Variants in PTCHD4 observed in about 807,000 individuals in gnomAD.
PTCHD4 encodes patched domain containing 4.
A neutral mutation model predicts 58.1 loss-of-function variants in PTCHD4; 33 were observed. The observed-to-expected ratio is 0.57, with a 90% CI of 0.43 to 0.76. The LOEUF (loss-of-function observed/expected upper bound fraction) is 0.76. PTCHD4 is among the 30% of genes least tolerant of loss of function. The pLI is 0.00. For missense variants in PTCHD4, 1,058 were observed against 1,027.1 expected (o/e 1.03, Z -0.41); for synonymous variants, 478 against 409.6 (o/e 1.17, Z -2.02).
In PTCHD4 at chr6:47,864,204, T is replaced by C. The variant is rs1763498245; in HGVS notation, c.*14099A>G. On this transcript the variant is annotated 3_prime_UTR_variant, in exon 5 of 5. Transcript: ENST00000339488. ...TCTATTGAATCAGAACCTCTGGAGA[T>C]GGGGATATGCAGGCTGTGCTTTGAC... is the stretch of plus-strand genomic sequence containing the variant. 6.6e-6 allele frequency among the ~76,000 whole-genome samples: 1 copy of C among 151,852 alleles called. No individual in the cohort carries two copies. The highest frequency in any genetic ancestry group is 1.9e-4 in the East Asian group (1 of 5,148).
intron 4 of PTCHD4, among the ~76,000 whole-genome samples, chr6:47,965,052 C>A (rs1767233383): frequency 6.6e-6 from 1 of 152,032 alleles, no homozygotes. Context: ...TTGGAAAATA[C>A]CTGGCCTTTA....
chr6:48,081,480 T>C (rs1765165921), intron 1 of PTCHD4, among the ~76,000 whole-genome samples: 1 of 152,166 alleles, frequency 6.6e-6, no homozygotes, highest in Non-Finnish European at 1.5e-5. Flanking sequence ...AGCCTCCTCA[T>C]CTGTAAAGTG....
At chr6:48,027,410 A>C (rs1444269239) in intron 3 of PTCHD4, among the ~76,000 whole-genome samples, 7 of 152,104 alleles carry the variant, frequency 4.6e-5, no homozygotes, top group Non-Finnish European at 1.0e-4. Flanking sequence ...ACAAATTTTA[A>C]TTCTGTTTGG....
chr6:47,928,737 C>G (rs936424545), intron 4 of PTCHD4, among the ~76,000 whole-genome samples: 1 of 151,996 alleles, frequency 6.6e-6, no homozygotes, highest in African/African-American at 2.4e-5. Context: ...ACATTTTTGC[C>G]CACCCATTGT....
intron 3 of PTCHD4, among the ~76,000 whole-genome samples, chr6:48,009,905 A>G (rs1762606398): frequency 6.6e-6 from 1 of 152,208 alleles, no homozygotes; most frequent in Non-Finnish European, 1.5e-5. Context: ...AGAGTAGGCA[A>G]GATCATGAGA....
intron 4 of PTCHD4, among the ~76,000 whole-genome samples, chr6:47,950,934 A>G (rs1231138570): frequency 1.3e-5 from 2 of 152,180 alleles, no homozygotes; most frequent in Non-Finnish European, 2.9e-5. Context: ...CAATGTGTCA[A>G]TTGATGGAAT....
intron 4 of PTCHD4, among the ~76,000 whole-genome samples, chr6:47,916,906 G>C (rs964087067): frequency 6.6e-6 from 1 of 151,974 alleles, no homozygotes; most frequent in Non-Finnish European, 1.5e-5. Context: ...CATCTTCCTG[G>C]GGTGGTACTC....
chr6:48,020,887 C>A lies in PTCHD4; in HGVS notation c.418-11773G>T, dbSNP rs539941979. Among the ~76,000 whole-genome samples the A allele has an allele frequency of 2.0e-5, 3 of 152,012 alleles. No individual in the cohort carries two copies. In the South Asian group the frequency reaches 6.3e-4, roughly 32 times the overall value. ...TAGGATTATGGGTCAGTTCTGATTT[C>A]TTTGTTAGGTTATTTTATATTATCA... On this transcript the variant is annotated intron_variant, in intron 3 of 4. Coordinates refer to ENST00000339488, the MANE Select transcript of PTCHD4 (RefSeq NM_001384253.1).
intron 4 of PTCHD4, among the ~76,000 whole-genome samples, chr6:48,004,111 T>C (rs965599252): frequency 2.0e-5 from 3 of 152,232 alleles, no homozygotes; most frequent in African/African-American, 7.2e-5. Flanking sequence ...GGTGACAACT[T>C]GATCATTTCT....
intron 3 of PTCHD4, among the ~76,000 whole-genome samples, chr6:48,052,863 G>T (rs1228657230): frequency 6.6e-6 from 1 of 151,958 alleles, no homozygotes; most frequent in Admixed American, 6.6e-5. Flanking sequence ...TATGTATCAA[G>T]GGATTTATAA....
intron 3 of PTCHD4, among the ~76,000 whole-genome samples, chr6:48,019,407 A>T (rs1762977317): frequency 6.6e-6 from 1 of 152,160 alleles, no homozygotes; most frequent in South Asian, 2.1e-4. Flanking sequence ...GTGTGGGGTC[A>T]GGGAAAGATA....
intron 1 of PTCHD4, among the ~76,000 whole-genome samples, chr6:48,078,139 C>T (rs1175150945): frequency 6.6e-6 from 1 of 152,100 alleles, no homozygotes; most frequent in East Asian, 1.9e-4. Flanking sequence ...TAAATTTTCT[C>T]CAGCTGTGAT....
Position 47,872,375 on chromosome 6 carries a change from C to T in PTCHD4, c.*5928G>A, listed in dbSNP as rs1763739278. On this transcript the variant is annotated 3_prime_UTR_variant, in exon 5 of 5. Coordinates refer to ENST00000339488, the MANE Select transcript of PTCHD4 (RefSeq NM_001384253.1). ...GAGCCTTGTGGGCAATGTGCTTACT[C>T]TACAAACTGTGGCAACAGAGGGAAA... 1.3e-5 allele frequency among the ~76,000 whole-genome samples: 2 copies of T among 151,588 alleles called. No homozygotes were observed. The highest frequency in any genetic ancestry group is 4.8e-5 in the African/African-American group (2 of 41,346).
At chr6:48,005,112 G>C (rs571160547) in intron 4 of PTCHD4, among the ~76,000 whole-genome samples, 1 of 152,198 alleles carries the variant, frequency 6.6e-6, no homozygotes, top group Admixed American at 6.5e-5. Flanking sequence ...GGATATTTAG[G>C]TACAGTATAT....
chr6:47,988,069 G>T (rs1483944420), intron 4 of PTCHD4, among the ~76,000 whole-genome samples: 2 of 152,086 alleles, frequency 1.3e-5, no homozygotes, highest in African/African-American at 4.8e-5. Context: ...GAGCCACTGT[G>T]CCTGACCCCA....
rs148871733 is a variant in PTCHD4, at chr6:48,070,810, T to G, written c.-969-884A>C. ...CAGATCTTTTTCTCACTTTATATAA[T>G]GTATTCCATTAGTGACACATGATGG... On this transcript the variant is annotated intron_variant, in intron 1 of 4. Transcript: ENST00000339488. Among the ~76,000 whole-genome samples the G allele has an allele frequency of 4.6e-5, 7 of 152,360 alleles. No individual in the cohort carries two copies. The East Asian group carries it at 1.3e-3, about 29-fold the overall frequency.
intron 4 of PTCHD4, among the ~76,000 whole-genome samples, chr6:47,994,391 T>C (rs551865205): frequency 1.3e-5 from 2 of 152,336 alleles, no homozygotes; most frequent in South Asian, 4.1e-4. Context: ...TATATTGTCC[T>C]AGGCCCTCTA....
Position 47,874,584 on chromosome 6 carries a change from A to G in PTCHD4, c.*3719T>C, listed in dbSNP as rs1370901565. Among the ~76,000 whole-genome samples the G allele has an allele frequency of 6.6e-6, 1 of 151,790 alleles. No individual in the cohort carries two copies. Among genetic ancestry groups the G allele is most frequent in the Non-Finnish European group, 1.5e-5 (1 of 67,814 alleles). ...CGGGGAAATGTGATAGATAATTACA[A>G]AATGGACAAAGCTTTTACTGTCTTG... On this transcript the variant is annotated 3_prime_UTR_variant, in exon 5 of 5. Transcript: ENST00000339488.
In PTCHD4 at chr6:47,877,666, T is replaced by C. The variant is rs1416627478; in HGVS notation, c.*637A>G. Among the ~76,000 whole-genome samples the C allele has an allele frequency of 2.6e-5, 4 of 152,062 alleles. No homozygotes were observed. The highest frequency in any genetic ancestry group is 7.2e-5 in the African/African-American group (3 of 41,428). Reference sequence around the variant, plus strand: ...ACGGCTATTAATGAATCTATAAATTTGGCTAAGGTTGATTTGACTTTCTAG... The same window carrying C: ...ACGGCTATTAATGAATCTATAAATTCGGCTAAGGTTGATTTGACTTTCTAG... On this transcript the variant is annotated 3_prime_UTR_variant, in exon 5 of 5. Transcript: ENST00000339488.
Sources: allele counts gnomAD v4.1 joint callset (sites outside exome capture counted in the v4.1 genomes callset), GRCh38; gene constraint gnomAD v4.1.1; transcripts MANE v1.5; gene names NCBI Gene and HGNC (gene_info 2026-07-23, HGNC 2026-07-21).